The following NHS variants were observed in gnomAD, a reference collection of about 807,000 sequenced individuals.
The protein encoded by NHS is actin remodeling regulator NHS.
Under a neutral mutation model 72.5 loss-of-function variants are expected in NHS, and 5 were observed. The ratio of observed to expected loss-of-function variants is 0.07; its 90% confidence interval spans 0.04 to 0.14. The LOEUF (loss-of-function observed/expected upper bound fraction) is 0.14. NHS is among the 10% of genes least tolerant of loss of function. The pLI is 1.00. For missense variants in NHS, 1,072 were observed against 1,355.7 expected, an observed-to-expected ratio of 0.79 and a Z score of 3.29; for synonymous variants, 464 against 547.7, an observed-to-expected ratio of 0.85 and a Z score of 2.13.
At chrX:17,465,889 G>C (rs751847704) in intron 1 of NHS, among the ~76,000 whole-genome samples, 4 of 112,571 alleles carry the variant, frequency 3.6e-5, no homozygotes, top group Non-Finnish European at 7.5e-5. Flanking sequence ...CACCCTCCTT[G>C]CCCCTGGGGA....
At chrX:17,672,368 T>A (rs2066052733) in intron 1 of NHS, among the ~76,000 whole-genome samples, 1 of 111,011 alleles carries the variant, frequency 9.0e-6, no homozygotes, top group African/African-American at 3.3e-5. Flanking sequence ...GTGTGGGAGG[T>A]TTCAATGGGC....
intron 3 of NHS, among the ~76,000 whole-genome samples, chrX:17,709,124 G>A (rs1000364964): frequency 1.9e-4 from 21 of 111,266 alleles, no homozygotes; most frequent in Non-Finnish European, 3.4e-4. Context: ...TTGGTCTTTG[G>A]AGAAGAGAGA....
At chrX:17,521,271 T>G (rs2065147110) in intron 1 of NHS, among the ~76,000 whole-genome samples, 1 of 111,424 alleles carries the variant, frequency 9.0e-6, no homozygotes, top group Admixed American at 9.4e-5. Context: ...GTGTGACCAA[T>G]GAGACCTTGC....
At chrX:17,400,182 A>G (rs749085225) in intron 1 of NHS, among the ~76,000 whole-genome samples, 1 of 112,329 alleles carries the variant, frequency 8.9e-6, no homozygotes, top group South Asian at 3.7e-4. Flanking sequence ...ATCCACAAAA[A>G]TTATTAGAAC....
Position 17,524,803 on chromosome X carries a change from T to C in NHS, c.565+148481T>C, listed in dbSNP as rs188043709. On this transcript the variant is annotated intron_variant, in intron 1 of 8. Transcript: ENST00000676302. ...TTTTTCCTTTTGTAATGAACAAATA[T>C]AATTTGTTGGAAGATATTTTGACAT... Among the ~76,000 whole-genome samples, 282 of 112,640 alleles carry C rather than the reference T, an allele frequency of 2.5e-3. 1 individual carries two copies. Among genetic ancestry groups the C allele is most frequent in the African/African-American group, 8.8e-3 (273 of 31,038 alleles).
chrX:17,695,803 T>C (rs918200136), intron 3 of NHS, among the ~76,000 whole-genome samples: 1 of 110,618 alleles, frequency 9.0e-6, no homozygotes, highest in Non-Finnish European at 1.9e-5. Context: ...GACAAGCCAA[T>C]TTAGCATAAA....
chrX:17,615,185 TATATATACAC>T lies in NHS; in HGVS notation c.566-72548_566-72539del, dbSNP rs1360614521. 4.5e-5 allele frequency among the ~76,000 whole-genome samples: 4 copies of T among 88,499 alleles called. No individual in the cohort carries two copies. In the East Asian group the frequency reaches 1.1e-3, roughly 24 times the overall value. The allele number at this position is 88,499 out of a possible 115,157, so 76.9% of individuals were successfully genotyped here. On this transcript the variant is annotated intron_variant, in intron 1 of 8. Transcript: ENST00000676302. ...ACTATATATATACGTATATATATAG[TATATATACAC>T]ATATATACGTATATATATACGTATA...
chrX:17,697,504 A>T (rs2066238245), intron 3 of NHS, among the ~76,000 whole-genome samples: 1 of 112,042 alleles, frequency 8.9e-6, no homozygotes, highest in African/African-American at 3.2e-5. Flanking sequence ...CATCAAGTAT[A>T]GAAAAGCAAT....
At position 17,522,536 on chromosome X, in the gene NHS, A is replaced by G. The variant is rs1167080586; in HGVS notation, c.565+146214A>G. ...CATCCCCCCCATCCGGAAGCAGCCC[A>G]GGGCCGTCTGTGGTCCAGGTTTCAG... On this transcript the variant is annotated intron_variant, in intron 1 of 8. Coordinates refer to ENST00000676302, the MANE Select transcript of NHS (RefSeq NM_001291867.2). 7.9e-5 allele frequency among the ~76,000 whole-genome samples: 6 copies of G among 75,559 alleles called. No homozygotes were observed. The Admixed American group carries it at 9.8e-4, about 12-fold the overall frequency. The allele number at this position is 75,559 out of a possible 115,157, so 65.6% of individuals were successfully genotyped here. A position where few individuals can be genotyped will look rare whatever the true frequency, so the allele number is the denominator to read the frequency against.
chrX:17,404,459 C>G (rs571766495), intron 1 of NHS, among the ~76,000 whole-genome samples: 3 of 111,674 alleles, frequency 2.7e-5, no homozygotes, highest in South Asian at 7.6e-4. Flanking sequence ...GTTTGCCTTG[C>G]CTTATTCTCC....
chrX:17,479,452 G>A lies in NHS; in HGVS notation c.565+103130G>A, dbSNP rs770013968. On this transcript the variant is annotated intron_variant, in intron 1 of 8. Transcript: ENST00000676302. The stretch of plus-strand genomic sequence containing the variant: ...TGTTGCTGGGTCAAATGGTATTTCT[G>A]GTTCTAGATCCTTGAGGAATCACCA... 4.5e-5 allele frequency among the ~76,000 whole-genome samples: 5 copies of A among 112,102 alleles called. No homozygotes were observed. In the East Asian group the frequency reaches 1.4e-3, roughly 31 times the overall value.
chrX:17,632,354 A>AT (rs1299539689), intron 1 of NHS, among the ~76,000 whole-genome samples: 8 of 105,953 alleles, frequency 7.6e-5, no homozygotes, highest in South Asian at 8.3e-4. Context: ...CATCCTGTCC[A>AT]TTTTTTTTTC....
At chrX:17,433,052 C>T (rs181879600) in intron 1 of NHS, among the ~76,000 whole-genome samples, 55 of 107,955 alleles carry the variant, frequency 5.1e-4, no homozygotes, top group African/African-American at 1.8e-3. Context: ...TTTTTTGAGA[C>T]GGAGTCTCGC....
rs772107611 is a variant in NHS, at chrX:17,385,854, T to C, written c.565+9532T>C. 4.4e-5 allele frequency among the ~76,000 whole-genome samples: 5 copies of C among 112,457 alleles called. No individual in the cohort carries two copies. The South Asian group carries it at 1.5e-3, about 33-fold the overall frequency. Reference sequence around the variant, plus strand: ...GTGCCTACATCCTTCAAAGTGAAATTAACCAAGAATAAAGTTAATTTAACA... The same window carrying C: ...GTGCCTACATCCTTCAAAGTGAAATCAACCAAGAATAAAGTTAATTTAACA... On this transcript the variant is annotated intron_variant, in intron 1 of 8. Coordinates refer to ENST00000676302, the MANE Select transcript of NHS (RefSeq NM_001291867.2).
intron 1 of NHS, among the ~76,000 whole-genome samples, chrX:17,484,613 G>C (rs1024521210): frequency 1.4e-4 from 6 of 41,875 alleles, no homozygotes; most frequent in African/African-American, 4.5e-4. Context: ...GGATTGGCTA[G>C]TTTCAGGAAT....
At chrX:17,566,286 G>C (rs16980627) in intron 1 of NHS, among the ~76,000 whole-genome samples, 2,991 of 111,340 alleles carry the variant, frequency 0.027, 87 homozygotes, top group Admixed American at 0.074. Flanking sequence ...TACTGCCTGA[G>C]TTTCCATGTT....
At chrX:17,620,469 G>A (rs1020654640) in intron 1 of NHS, among the ~76,000 whole-genome samples, 11 of 111,569 alleles carry the variant, frequency 9.9e-5, no homozygotes, top group African/African-American at 3.3e-4. Context: ...GGCAGAGTCT[G>A]TTTCTAGGTG....
chrX:17,697,968 A>G (rs1268433473), intron 3 of NHS, among the ~76,000 whole-genome samples: 12 of 111,355 alleles, frequency 1.1e-4, no homozygotes, highest in Admixed American at 1.0e-3. Flanking sequence ...ATACCAAAAA[A>G]TTGTTTTATA....
At position 17,464,843 on chromosome X, in the gene NHS, G is replaced by A. The variant is rs1286168394; in HGVS notation, c.565+88521G>A. On this transcript the variant is annotated intron_variant, in intron 1 of 8. Coordinates refer to ENST00000676302, the MANE Select transcript of NHS (RefSeq NM_001291867.2). Reference sequence around the variant, plus strand: ...CATGTCCCCATATATAGCCAGGTCTGCCTTTGGTCCACCAGCAGCCATGTC... The same window carrying A: ...CATGTCCCCATATATAGCCAGGTCTACCTTTGGTCCACCAGCAGCCATGTC... Among the ~76,000 whole-genome samples, 3 of 112,078 alleles carry A rather than the reference G, an allele frequency of 2.7e-5. No homozygotes were observed. The East Asian group carries it at 8.4e-4, about 31-fold the overall frequency.
Sources: gnomAD v4.1 joint callset for allele counts (sites outside exome capture counted in the v4.1 genomes callset) on GRCh38, gnomAD v4.1.1 for gene constraint, MANE v1.5 for transcripts, NCBI Gene and HGNC (gene_info 2026-07-23, HGNC 2026-07-21) for gene names.